TBC1D19: variants seen among roughly 807,000 people sequenced by gnomAD.
TBC1D19 encodes TBC1 domain family, member 19.
Under a neutral mutation model 89.0 loss-of-function variants are expected in TBC1D19, and 60 were observed. The observed-to-expected ratio is 0.67, with a 90% CI of 0.55 to 0.84. The LOEUF (loss-of-function observed/expected upper bound fraction) is 0.84, where lower values mean the gene tolerates loss of function less well. TBC1D19 is among the 40% of genes least tolerant of loss of function. The pLI, the probability that TBC1D19 is intolerant of heterozygous loss-of-function variation, is 0.00. For missense variants in TBC1D19, 500 were observed against 610.8 expected, an observed-to-expected ratio of 0.82 and a Z score of 1.91; for synonymous variants, 189 against 199.7, an observed-to-expected ratio of 0.95 and a Z score of 0.45.
chr4:26,831,668 G>A, the TBC1D19 span, among the ~76,000 whole-genome samples: 6,483 of 148,408 alleles, frequency 0.044, 403 homozygotes, highest in East Asian at 0.16. Flanking sequence ...CTGCAAGCTC[G>A]GCCTCCTGAG....
the TBC1D19 span, among the ~76,000 whole-genome samples, chr4:26,795,364 T>C: frequency 6.6e-6 from 1 of 152,190 alleles, no homozygotes; most frequent in Non-Finnish European, 1.5e-5. Flanking sequence ...CTATTACAAT[T>C]CCCTGATTCA....
rs1713468903 is a variant in TBC1D19, at chr4:26,682,792, T to A, written c.817-883T>A. The stretch of plus-strand genomic sequence containing the variant: ...TGATGCTTAACTTGATTACTGTCTC[T>A]AGTCCCTCCTCCCCCTTCTTCCTTT... On this transcript the variant is annotated intron_variant, in intron 11 of 20. Coordinates refer to ENST00000264866, the MANE Select transcript of TBC1D19 (RefSeq NM_018317.4). 2.0e-5 allele frequency among the ~76,000 whole-genome samples: 3 copies of A among 152,148 alleles called. No homozygotes were observed. In the South Asian group the frequency reaches 6.2e-4, roughly 32 times the overall value.
Position 26,748,464 on chromosome 4 carries a change from C to T in TBC1D19, c.1373C>T (p.Thr458Ile). The T allele has an allele frequency of 6.2e-7, 1 of 1,613,926 alleles. No homozygotes were observed. The highest frequency in any genetic ancestry group is 2.2e-5 in the East Asian group (1 of 44,844). The change falls in exon 19 of 21, where the codon ACA becomes ATA. Residue 458 changes from threonine to isoleucine, a missense_variant. Physicochemically the swap from Thr to Ile is moderately conservative, Grantham distance 89 (BLOSUM62 -1). This residue lies in a region of TBC1D19 where 220 missense variants were observed against 319.1 expected (regional missense o/e 0.69). Transcript: ENST00000264866. ...MVRAFSGYLA[T>I]DQLLLLWDRI... ...CGAGCTTTCTCTGGATACTTAGCTA[C>T]AGATCAGCTCTTGCTTTTATGGGAT...
chr4:26,665,318 TTAAG>T (rs1262106194), intron 8 of TBC1D19, among the ~76,000 whole-genome samples: 1 of 152,158 alleles, frequency 6.6e-6, no homozygotes, highest in African/African-American at 2.4e-5. Flanking sequence ...AATCACTAAC[TTAAG>T]TAATAATAGA....
chr4:26,808,563 C>T, the TBC1D19 span, among the ~76,000 whole-genome samples: 2 of 151,918 alleles, frequency 1.3e-5, no homozygotes, highest in South Asian at 2.1e-4. Context: ...CCCTTCTCTA[C>T]TAAAATACAA....
intron 17 of TBC1D19, 146 bp from the exon 18 acceptor site, chr4:26,742,362 A>G (rs1486496840): frequency 1.7e-6 from 1 of 590,742 alleles, no homozygotes; most frequent in Non-Finnish European, 2.8e-6. Context: ...GAGATTCTTT[A>G]ATACATTTCA....
At chr4:26,757,166 A>C (rs557035512), downstream of TBC1D19, among the ~76,000 whole-genome samples, 1 of 152,102 alleles carries the variant, frequency 6.6e-6, no homozygotes, top group Non-Finnish European at 1.5e-5. Context: ...GGCATGCGCC[A>C]TAACACCTGG....
intron 13 of TBC1D19, among the ~76,000 whole-genome samples, chr4:26,717,642 T>G (rs1716713437): frequency 6.6e-6 from 1 of 152,038 alleles, no homozygotes; most frequent in Admixed American, 6.6e-5. Context: ...TCTGTTAAAT[T>G]TCCCCCAGGT....
At chr4:26,591,664 T>C (rs944752284) in intron 1 of TBC1D19, among the ~76,000 whole-genome samples, 1 of 152,146 alleles carries the variant, frequency 6.6e-6, no homozygotes, top group African/African-American at 2.4e-5. Flanking sequence ...ATATCACCAC[T>C]GATCCCACAG....
At chr4:26,853,071 A>T in the TBC1D19 span, among the ~76,000 whole-genome samples, 4 of 152,252 alleles carry the variant, frequency 2.6e-5, no homozygotes, top group African/African-American at 7.2e-5. Flanking sequence ...GTCAGATGCC[A>T]TGATTCTACT....
chr4:26,632,529 T>TGAG (rs1413426109), intron 4 of TBC1D19, among the ~76,000 whole-genome samples: 1 of 151,920 alleles, frequency 6.6e-6, no homozygotes, highest in South Asian at 2.1e-4. Flanking sequence ...TTGAGTAGGC[T>TGAG]GAGGAGGAGG....
chr4:26,807,290 G>A, the TBC1D19 span, among the ~76,000 whole-genome samples: 4 of 152,036 alleles, frequency 2.6e-5, no homozygotes, highest in African/African-American at 4.8e-5. Flanking sequence ...CTCCATAGCC[G>A]CCACCCGCAA....
the TBC1D19 span, among the ~76,000 whole-genome samples, chr4:26,779,906 A>C: frequency 3.9e-5 from 6 of 152,172 alleles, no homozygotes; most frequent in Non-Finnish European, 8.8e-5. Context: ...GCAGGTCCAC[A>C]CTGGGTTTGG....
chr4:26,613,315 C>A, intron 2 of TBC1D19, 74 bp downstream of exon 2: 2 of 898,936 alleles, frequency 2.2e-6, no homozygotes, highest in South Asian at 1.8e-5. Flanking sequence ...TTTAAGCCCT[C>A]AAGCTTGTAC....
At chr4:26,691,829 A>T (rs1047355851) in intron 13 of TBC1D19, among the ~76,000 whole-genome samples, 31 of 152,236 alleles carry the variant, frequency 2.0e-4, no homozygotes, top group African/African-American at 7.0e-4. Context: ...ATACAATAAT[A>T]CTAGTTTGCC....
chr4:26,587,394 A>G (rs1190067474), intron 1 of TBC1D19, among the ~76,000 whole-genome samples: 1 of 152,062 alleles, frequency 6.6e-6, no homozygotes. Flanking sequence ...CCTGGGCAAC[A>G]TGGCAAAACC....
At chr4:26,710,344 CT>C (rs1446796902) in intron 13 of TBC1D19, among the ~76,000 whole-genome samples, 12 of 152,128 alleles carry the variant, frequency 7.9e-5, no homozygotes, top group South Asian at 2.1e-4. Context: ...ATCCATGTCC[CT>C]ACAAAGGACA....
At chr4:26,686,615 C>T (rs1287191583) in intron 12 of TBC1D19, among the ~76,000 whole-genome samples, 2 of 152,114 alleles carry the variant, frequency 1.3e-5, no homozygotes. Flanking sequence ...GGGATGAGCT[C>T]TGGTCGGCCA....
chr4:26,713,122 A>C (rs76010611), intron 13 of TBC1D19, among the ~76,000 whole-genome samples: 2,293 of 136,108 alleles, frequency 0.017, 53 homozygotes, highest in African/African-American at 0.053. Flanking sequence ...GAAAATATTT[A>C]TTATATTAAT....
Sources: gnomAD v4.1 joint callset for allele counts (sites outside exome capture counted in the v4.1 genomes callset) on GRCh38, gnomAD v4.1.1 for gene constraint, gnomAD v4.1.1 regional missense constraint, MANE v1.5 for transcripts, NCBI Gene and HGNC (gene_info 2026-07-23, HGNC 2026-07-21) for gene names.